The following ENTPD1 variants were observed in gnomAD, a reference collection of about 807,000 sequenced individuals.
ENTPD1 encodes ectonucleoside triphosphate diphosphohydrolase 1, also known as ATP diphosphohydrolase.
Under a neutral mutation model 57.0 loss-of-function variants are expected in ENTPD1, and 33 were observed. The ratio of observed to expected loss-of-function variants is 0.58; its 90% CI spans 0.44 to 0.77. The LOEUF (loss-of-function observed/expected upper bound fraction) is 0.77, where lower values mean the gene tolerates loss of function less well. ENTPD1 is among the 30% of genes least tolerant of loss of function. The pLI is 0.00. For missense variants in ENTPD1, 501 were observed against 603.4 expected (o/e 0.83, Z 1.78); for synonymous variants, 202 against 218.8 (o/e 0.92, Z 0.68).
intron 1 of ENTPD1, among the ~76,000 whole-genome samples, chr10:95,768,658 A>G (rs866577793): frequency 1.3e-5 from 2 of 152,082 alleles, no homozygotes; most frequent in Non-Finnish European, 2.9e-5. Context: ...TCATTCAGTT[A>G]CAGTGTTTTT....
upstream of ENTPD1, among the ~76,000 whole-genome samples, chr10:95,710,649 C>A (rs2097964781): frequency 6.6e-6 from 1 of 152,010 alleles, no homozygotes; most frequent in Non-Finnish European, 1.5e-5. Flanking sequence ...TTTTCTTTAG[C>A]CATTTAGTAT....
At chr10:95,730,842 A>G (rs2097988398) in intron 1 of ENTPD1, among the ~76,000 whole-genome samples, 2 of 152,264 alleles carry the variant, frequency 1.3e-5, no homozygotes, top group African/African-American at 2.4e-5. Flanking sequence ...TCACACTTGT[A>G]TAACCTTTGT....
At position 95,869,393 on chromosome 10, in the gene ENTPD1, G is replaced by A; in HGVS notation, c.*3010G>A. ...GCCTCCCGAGTAGCTGGGATTGCAG[G>A]TGCCCACCACCACACCCGGCTAATT... On this transcript the variant is annotated 3_prime_UTR_variant, in exon 10 of 10. Transcript: ENST00000371205. The A allele has an allele frequency of 1.1e-5, 7 of 664,860 alleles. No homozygotes were observed. The highest frequency in any genetic ancestry group is 6.8e-5 in the South Asian group (1 of 14,758). 41.2% of individuals were successfully genotyped at this position (664,860 alleles called of 1,614,324 possible). A position where few individuals can be genotyped will look rare whatever the true frequency, so the allele number is the denominator to read the frequency against.
At chr10:95,712,350 CTT>C (rs2097966563) in intron 1 of ENTPD1, among the ~76,000 whole-genome samples, 1 of 152,164 alleles carries the variant, frequency 6.6e-6, no homozygotes, top group Non-Finnish European at 1.5e-5. Context: ...TGTCTATAAA[CTT>C]TGCTGTAGTC....
rs779344973 is a variant in ENTPD1 at position 95,868,969 on chromosome 10, A to C, written c.*2586A>C. 68 of 985,226 alleles carry C rather than the reference A, an allele frequency of 6.9e-5. No homozygotes were observed. Among genetic ancestry groups the C allele is most frequent in the Non-Finnish European group, 7.8e-5 (65 of 829,916 alleles). 61.0% of individuals were successfully genotyped at this position (985,226 alleles called of 1,614,324 possible). ...CCTAACCCCAATTATTTTGGCAGGA[A>C]GGTTGGTTTAGAGGCAGATCCAGCA... On this transcript the variant is annotated 3_prime_UTR_variant, in exon 10 of 10. Coordinates refer to ENST00000371205, the MANE Select transcript of ENTPD1 (RefSeq NM_001776.6).
At chr10:95,765,890 C>G (rs892003670) in intron 1 of ENTPD1, among the ~76,000 whole-genome samples, 1 of 151,962 alleles carries the variant, frequency 6.6e-6, no homozygotes, top group Admixed American at 6.6e-5. Context: ...CAGAGTGTAA[C>G]TTTTGTATTT....
At chr10:95,825,338 A>T (rs1430686592) in intron 2 of ENTPD1, among the ~76,000 whole-genome samples, 1 of 152,368 alleles carries the variant, frequency 6.6e-6, no homozygotes, top group East Asian at 1.9e-4. Flanking sequence ...AGGGTGTATG[A>T]TAAAACATTT....
At chr10:95,828,510 G>A (rs2098385695) in intron 2 of ENTPD1, among the ~76,000 whole-genome samples, 1 of 152,166 alleles carries the variant, frequency 6.6e-6, no homozygotes, top group African/African-American at 2.4e-5. Flanking sequence ...CTCTGGGTCT[G>A]TGGAAAAATT....
chr10:95,856,651 C>CATATATATATATATATATATAT (rs66753059), intron 7 of ENTPD1, among the ~76,000 whole-genome samples: 4 of 142,210 alleles, frequency 2.8e-5, no homozygotes, highest in African/African-American at 7.8e-5. Flanking sequence ...TATATGTATG[C>CATATATATATATATATATATAT]ATATATATAT....
intron 7 of ENTPD1, among the ~76,000 whole-genome samples, chr10:95,852,911 C>T (rs900283045): frequency 6.6e-6 from 1 of 152,116 alleles, no homozygotes; most frequent in Non-Finnish European, 1.5e-5. Flanking sequence ...CTTGGCAATG[C>T]AGGCTCTTTT....
At chr10:95,817,218 G>C (rs1484287925) in intron 1 of ENTPD1, among the ~76,000 whole-genome samples, 1 of 152,200 alleles carries the variant, frequency 6.6e-6, no homozygotes, top group Admixed American at 6.5e-5. Context: ...AAGAAGTCTA[G>C]AAGGCATTGA....
At chr10:95,702,770 A>G in the ENTPD1 span, among the ~76,000 whole-genome samples, 1 of 152,174 alleles carries the variant, frequency 6.6e-6, no homozygotes, top group East Asian at 1.9e-4. Context: ...TATTACCTTC[A>G]AAACAGCAAC....
Position 95,870,006 on chromosome 10 carries a change from C to G in ENTPD1, c.*3623C>G, listed in dbSNP as rs968497888. 20 of 985,298 alleles carry G rather than the reference C, an allele frequency of 2.0e-5. No individual in the cohort carries two copies. The highest frequency in any genetic ancestry group is 2.3e-5 in the Non-Finnish European group (19 of 829,928). 61.0% of individuals were successfully genotyped at this position (985,298 alleles called of 1,614,324 possible). The stretch of plus-strand genomic sequence containing the variant: ...GTTTAAAAGACACAGGAACTAAGCC[C>G]TCATTGTCTTTCCCTTGGGAGGTAG... On this transcript the variant is annotated 3_prime_UTR_variant, in exon 10 of 10. Coordinates refer to ENST00000371205, the MANE Select transcript of ENTPD1 (RefSeq NM_001776.6).
In ENTPD1 at chr10:95,876,740, C is replaced by T. The variant is rs2098486159; in HGVS notation, c.*10357C>T. 2.3e-6 allele frequency: 2 copies of T among 879,858 alleles called. No individual in the cohort carries two copies. Among genetic ancestry groups the T allele is most frequent in the Non-Finnish European group, 2.9e-6 (2 of 686,748 alleles). 54.5% of individuals were successfully genotyped at this position (879,858 alleles called of 1,614,324 possible). ...AACCAAAGTAGAAAAATATAATACA[C>T]ATCCATGTGCCCATCACAGAACTTC... On this transcript the variant is annotated 3_prime_UTR_variant, in exon 10 of 10. Coordinates refer to ENST00000371205, the MANE Select transcript of ENTPD1 (RefSeq NM_001776.6).
chr10:95,873,784 A>G lies in ENTPD1; in HGVS notation c.*7401A>G. ...GGTTTAATTGGACTTACAGTTCCACATGGCTGGGGAGGCCTCAAAATCAGG... is the reference window on the plus strand; with the variant it reads ...GGTTTAATTGGACTTACAGTTCCACGTGGCTGGGGAGGCCTCAAAATCAGG... On this transcript the variant is annotated 3_prime_UTR_variant, in exon 10 of 10. Transcript: ENST00000371205. 1 of 874,116 alleles carries G rather than the reference A, an allele frequency of 1.1e-6. No individual in the cohort carries two copies. The highest frequency in any genetic ancestry group is 5.2e-5 in the South Asian group (1 of 19,056). 54.1% of individuals were successfully genotyped at this position (874,116 alleles called of 1,614,324 possible). A position where few individuals can be genotyped will look rare whatever the true frequency, so the allele number is the denominator to read the frequency against.
chr10:95,807,312 A>C lies in ENTPD1; in HGVS notation c.17-15925A>C, dbSNP rs369948636. Among the ~76,000 whole-genome samples, 60 of 152,348 alleles carry C rather than the reference A, an allele frequency of 3.9e-4. No homozygotes were observed. The Middle Eastern group carries it at 0.02, about 52-fold the overall frequency. On this transcript the variant is annotated intron_variant, in intron 1 of 9. Coordinates refer to ENST00000371205, the MANE Select transcript of ENTPD1 (RefSeq NM_001776.6). ...AGGCTCCGTGGGTGTGTGACCCGCC[A>C]AGCCAGGCACGGGAGAGAATCTCCT...
chr10:95,734,370 G>A (rs1050652783), intron 1 of ENTPD1, among the ~76,000 whole-genome samples: 1 of 152,152 alleles, frequency 6.6e-6, no homozygotes, highest in Non-Finnish European at 1.5e-5. Flanking sequence ...ACCTATATGT[G>A]GTGGATTAAG....
At chr10:95,794,529 C>T (rs941611320) in intron 1 of ENTPD1, among the ~76,000 whole-genome samples, 1 of 152,170 alleles carries the variant, frequency 6.6e-6, no homozygotes, top group Non-Finnish European at 1.5e-5. Context: ...GATTTAATTG[C>T]TTTGAGATGG....
intron 1 of ENTPD1, among the ~76,000 whole-genome samples, chr10:95,717,404 T>C (rs2097972794): frequency 6.9e-6 from 1 of 145,670 alleles, no homozygotes; most frequent in African/African-American, 2.6e-5. Flanking sequence ...TCCCATAAAA[T>C]GGGAGGGGAC....
Sources: gnomAD v4.1 joint callset for allele counts (sites outside exome capture counted in the v4.1 genomes callset) on GRCh38, gnomAD v4.1.1 for gene constraint, MANE v1.5 for transcripts, NCBI Gene and HGNC (gene_info 2026-07-23, HGNC 2026-07-21) for gene names.